The following ANKS1B variants were observed in gnomAD, a reference collection of about 807,000 sequenced individuals.
ANKS1B encodes ankyrin repeat and sterile alpha motif domain-containing protein 1B.
ANKS1B carries 36 observed loss-of-function variants against 148.3 expected under a neutral mutation model. The ratio of observed to expected loss-of-function variants is 0.24; its 90% CI spans 0.19 to 0.32. ANKS1B has a LOEUF of 0.32. ANKS1B is among the 10% of genes least tolerant of loss of function. The probability of loss-of-function intolerance (pLI) is 1.00; values close to 1 mark genes in which losing one functional copy is unlikely to be tolerated. For missense variants in ANKS1B, 1,157 were observed against 1,542.6 expected (o/e 0.75, Z 4.19); for synonymous variants, 542 against 560.8 (o/e 0.97, Z 0.47).
chr12:98,940,839 T>C (rs558869178), intron 17 of ANKS1B, among the ~76,000 whole-genome samples: 31 of 152,300 alleles, frequency 2.0e-4, no homozygotes, highest in African/African-American at 7.2e-4. Flanking sequence ...TGTTTGAATA[T>C]GTCATTGAAA....
chr12:99,549,083 G>A (rs185597685), intron 9 of ANKS1B, among the ~76,000 whole-genome samples: 94 of 152,166 alleles, frequency 6.2e-4, no homozygotes, highest in Non-Finnish European at 3.2e-4. Context: ...CTTCAAACTA[G>A]AAATATAAGA....
chr12:99,869,190 G>C (rs1027874924), intron 1 of ANKS1B, among the ~76,000 whole-genome samples: 1 of 152,032 alleles, frequency 6.6e-6, no homozygotes. Context: ...CAAAGTCCCA[G>C]CAGAATTTTT....
At chr12:99,285,297 T>C (rs1227884929) in intron 12 of ANKS1B, among the ~76,000 whole-genome samples, 1 of 152,220 alleles carries the variant, frequency 6.6e-6, no homozygotes, top group Non-Finnish European at 1.5e-5. Flanking sequence ...TAATAGTTCA[T>C]TCCTTTTTAT....
intron 25 of ANKS1B, 78 bp downstream of exon 25, chr12:98,772,964 A>C: frequency 6.6e-7 from 1 of 1,524,270 alleles, no homozygotes; most frequent in Non-Finnish European, 9.0e-7. Context: ...TAGTGTGTTA[A>C]TTATAAGTTG....
chr12:99,692,154 T>C (rs144792018), intron 8 of ANKS1B, among the ~76,000 whole-genome samples: 161 of 152,246 alleles, frequency 1.1e-3, no homozygotes, highest in African/African-American at 3.8e-3. Flanking sequence ...AAGAACCTGA[T>C]TGGCAATTTT....
intron 1 of ANKS1B, among the ~76,000 whole-genome samples, chr12:99,906,400 G>A (rs2093783992): frequency 6.6e-6 from 1 of 152,204 alleles, no homozygotes; most frequent in South Asian, 2.1e-4. Flanking sequence ...AAGACGTAAT[G>A]CACAATGAGA....
chr12:99,060,657 A>T (rs2042112081), intron 16 of ANKS1B, among the ~76,000 whole-genome samples: 3 of 58,738 alleles, frequency 5.1e-5, no homozygotes, highest in East Asian at 7.3e-4. Flanking sequence ...TACACATCAC[A>T]CACACACACA....
chr12:98,952,652 T>C (rs2099855867), intron 17 of ANKS1B, among the ~76,000 whole-genome samples: 1 of 152,180 alleles, frequency 6.6e-6, no homozygotes, highest in Non-Finnish European at 1.5e-5. Context: ...TCTTTGCCTA[T>C]GGTGATGACC....
At chr12:99,019,153 T>C (rs1404438256) in intron 17 of ANKS1B, among the ~76,000 whole-genome samples, 1 of 152,184 alleles carries the variant, frequency 6.6e-6, no homozygotes, top group Non-Finnish European at 1.5e-5. Context: ...CCATAGAGTT[T>C]TGAGATTGTT....
At chr12:98,871,641 A>G (rs557750199) in intron 17 of ANKS1B, among the ~76,000 whole-genome samples, 1 of 152,336 alleles carries the variant, frequency 6.6e-6, no homozygotes, top group East Asian at 1.9e-4. Flanking sequence ...TTAACACAAA[A>G]TTATTTTTCC....
chr12:99,848,062 G>C (rs915048295), intron 1 of ANKS1B, among the ~76,000 whole-genome samples: 35 of 152,196 alleles, frequency 2.3e-4, no homozygotes, highest in African/African-American at 8.2e-4. Flanking sequence ...GAATGAGACT[G>C]AGAGCCACAG....
At chr12:99,514,667 T>C (rs903850391) in intron 9 of ANKS1B, among the ~76,000 whole-genome samples, 12 of 152,098 alleles carry the variant, frequency 7.9e-5, no homozygotes, top group African/African-American at 2.7e-4. Flanking sequence ...CTAGTGTTCA[T>C]GTGATTGTGT....
At chr12:99,828,453 C>T (rs1012449219) in intron 1 of ANKS1B, among the ~76,000 whole-genome samples, 6 of 152,068 alleles carry the variant, frequency 3.9e-5, no homozygotes, top group Non-Finnish European at 7.4e-5. Context: ...TTTTGAAAAC[C>T]TCCACTCTCA....
downstream of ANKS1B, among the ~76,000 whole-genome samples, chr12:98,739,938 C>T (rs144119292): frequency 3.0e-3 from 462 of 152,284 alleles, 1 homozygote; most frequent in Non-Finnish European, 5.0e-3. Context: ...CCTCCTTCTC[C>T]TTATGGCCAT....
Position 98,801,209 on chromosome 12 carries a change from C to A in ANKS1B, c.3142-84G>T. On this transcript the variant is annotated intron_variant, in intron 20 of 26. Transcript: ENST00000683438. The surrounding 1 kb of genome is among the most constrained non-coding windows in gnomAD (Gnocchi z 5.2). The stretch of plus-strand genomic sequence containing the variant: ...AGCTACCCTGAGCTCACCTTACACA[C>A]AGGTGCTGTGAATGTACCAAAATGC... 1 of 1,435,016 alleles carries A rather than the reference C, an allele frequency of 7.0e-7. No homozygotes were observed. Among genetic ancestry groups the A allele is most frequent in the Non-Finnish European group, 9.5e-7 (1 of 1,054,086 alleles). The allele number at this position is 1,435,016 out of a possible 1,614,324, so 88.9% of individuals were successfully genotyped here.
chr12:99,435,164 T>C (rs962514292), intron 11 of ANKS1B, among the ~76,000 whole-genome samples: 4 of 152,056 alleles, frequency 2.6e-5, no homozygotes, highest in Admixed American at 2.0e-4. Context: ...GAAGATACAA[T>C]GTACAGTGGT....
chr12:99,060,646 A>G (rs2042091561), intron 16 of ANKS1B, among the ~76,000 whole-genome samples: 3 of 144,280 alleles, frequency 2.1e-5, no homozygotes, highest in South Asian at 2.2e-4. Flanking sequence ...ATATACATAT[A>G]TACACATCAC....
chr12:99,008,537 T>C (rs865875637), intron 17 of ANKS1B, among the ~76,000 whole-genome samples: 1 of 152,186 alleles, frequency 6.6e-6, no homozygotes, highest in Non-Finnish European at 1.5e-5. Flanking sequence ...AAAAGACTTC[T>C]ACAACCCAGC....
At chr12:99,455,731 T>G (rs1240944613) in intron 10 of ANKS1B, among the ~76,000 whole-genome samples, 2 of 151,988 alleles carry the variant, frequency 1.3e-5, no homozygotes, top group Non-Finnish European at 2.9e-5. Flanking sequence ...GCCTGGGAAC[T>G]GCAACCCCAC....
Sources: allele counts gnomAD v4.1 joint callset (sites outside exome capture counted in the v4.1 genomes callset), GRCh38; gene constraint gnomAD v4.1.1; non-coding constraint Gnocchi (gnomAD v3.1); transcripts MANE v1.5; gene names NCBI Gene and HGNC (gene_info 2026-07-23, HGNC 2026-07-21).